ABHD4: variants seen among roughly 807,000 people sequenced by gnomAD.
The protein encoded by ABHD4 is (Lyso)-N-acylphosphatidylethanolamine lipase.
In ABHD4, 35 loss-of-function variants were observed where a neutral mutation model predicts 42.3. The observed-to-expected ratio is 0.83, with a 90% CI of 0.63 to 1.10. The LOEUF (loss-of-function observed/expected upper bound fraction) is 1.10. Among genes scored for constraint, ABHD4 ranks in the 50% least tolerant of loss-of-function variants. The probability of loss-of-function intolerance (pLI) is 0.00; values close to 1 mark genes in which losing one functional copy is unlikely to be tolerated. For synonymous variants in ABHD4, 169 were observed against 170.6 expected, an observed-to-expected ratio of 0.99 and a Z score of 0.07; for missense variants, 389 against 454.8, an observed-to-expected ratio of 0.86 and a Z score of 1.32.
At position 22,604,046 on chromosome 14, in the gene ABHD4, C is replaced by T. The variant is rs2037319266; in HGVS notation, c.607C>T (p.Pro203Ser). The change falls in exon 4 of 7, where the codon CCA becomes TCA. Residue 203 changes from proline (P) to serine (S), a missense_variant. By Grantham distance (74) the Pro-to-Ser change is moderately conservative (BLOSUM62 -1). Coordinates refer to ENST00000428304, the MANE Select transcript of ABHD4 (RefSeq NM_022060.3). ...AVASVLGRSN[P>S]LAVLRVAGPW... The stretch of plus-strand genomic sequence containing the variant: ...GGCATCTGTCCTAGGACGTTCCAAT[C>T]CATTGGCTGTTCTTCGAGTAGCTGG... The T allele has an allele frequency of 1.2e-6, 2 of 1,614,098 alleles. No homozygotes were observed. Among genetic ancestry groups the T allele is most frequent in the Admixed American group, 1.7e-5 (1 of 60,008 alleles).
intron 1 of ABHD4, 198 bp downstream of exon 1, chr14:22,598,527 A>T: frequency 6.7e-7 from 1 of 1,485,164 alleles, no homozygotes; most frequent in Admixed American, 2.0e-5. Context: ...CTGGGGAGCC[A>T]TGGGAGACGC....
At chr14:22,606,569 AGTT>A (rs1594892947) in intron 5 of ABHD4, 36 bp downstream of exon 5, 5 of 1,418,768 alleles carry the variant, frequency 3.5e-6, no homozygotes, top group Non-Finnish European at 9.9e-7. Flanking sequence ...TGGGGCAGAC[AGTT>A]GTTAGGAGAT....
chr14:22,609,536 TC>T, intron 5 of ABHD4, 187 bp from the exon 6 acceptor site: 1 of 572,816 alleles, frequency 1.7e-6, no homozygotes, highest in Non-Finnish European at 3.1e-6. Flanking sequence ...CAAGTGTTCC[TC>T]CGAACTCTTC....
intron 2 of ABHD4, among the ~76,000 whole-genome samples, chr14:22,602,142 G>T (rs1192390804): frequency 1.3e-5 from 2 of 151,628 alleles, no homozygotes; most frequent in African/African-American, 4.9e-5. Context: ...GCAGATCCTT[G>T]GCCAGCAATC....
chr14:22,599,536 T>C (rs1003728955), intron 1 of ABHD4, among the ~76,000 whole-genome samples: 7 of 152,234 alleles, frequency 4.6e-5, no homozygotes, highest in Non-Finnish European at 1.0e-4. Flanking sequence ...CGCATAGTTT[T>C]GAGCACATAC....
chr14:22,610,785 A>G lies in ABHD4; in HGVS notation c.940-74A>G. ...TGGCAGGCAAGCAAGTCTAAGGGGAAAAGAAATAGCGTGAAGGCTTCCCAG... is the reference window on the plus strand; with the variant it reads ...TGGCAGGCAAGCAAGTCTAAGGGGAGAAGAAATAGCGTGAAGGCTTCCCAG... On this transcript the variant is annotated intron_variant, in intron 6 of 6. Coordinates refer to ENST00000428304, the MANE Select transcript of ABHD4 (RefSeq NM_022060.3). 10 of 1,234,638 alleles carry G rather than the reference A, an allele frequency of 8.1e-6. No individual in the cohort carries two copies. The South Asian group carries it at 1.2e-4, about 15-fold the overall frequency. 76.5% of individuals were successfully genotyped at this position (1,234,638 alleles called of 1,614,324 possible). A position where few individuals can be genotyped will look rare whatever the true frequency, so the allele number is the denominator to read the frequency against.
intron 1 of ABHD4, 101 bp downstream of exon 1, chr14:22,598,430 C>A: frequency 3.2e-6 from 5 of 1,548,844 alleles, no homozygotes; most frequent in Non-Finnish European, 4.4e-6. Context: ...CCTTCCCGCT[C>A]TTCCTTTTCC....
chr14:22,598,945 A>G (rs570303544), intron 1 of ABHD4: 7 of 155,256 alleles, frequency 4.5e-5, no homozygotes, highest in African/African-American at 1.7e-4. Context: ...AGCTATTGGG[A>G]TTTGCTACCA....
intron 1 of ABHD4, 126 bp downstream of exon 1, chr14:22,598,455 G>T (rs1209842676): frequency 6.5e-7 from 1 of 1,541,042 alleles, no homozygotes; most frequent in African/African-American, 1.4e-5. Flanking sequence ...CGGCCTCCGG[G>T]GAGGGCGGGG....
In ABHD4 at chr14:22,603,921, ATAGAGT is replaced by A. The variant is rs1566382310; in HGVS notation, c.486-1_490del. ...GTCTTCTCCTCTTTCCGCCTTTAAC[ATAGAGT>A]TAAACACCTCATCCTGGTGGACCCA... is the stretch of plus-strand genomic sequence containing the variant. On this transcript the variant is annotated splice_acceptor_variant and splice_polypyrimidine_tract_variant and coding_sequence_variant and intron_variant, in exon 4 of 7. Transcript: ENST00000428304. LOFTEE classifies it high-confidence loss of function. 6 of 1,613,842 alleles carry A rather than the reference ATAGAGT, an allele frequency of 3.7e-6. No individual in the cohort carries two copies. The highest frequency in any genetic ancestry group is 3.3e-5 in the South Asian group (3 of 91,074).
At chr14:22,607,932 A>C (rs751732488) in intron 5 of ABHD4, among the ~76,000 whole-genome samples, 1 of 152,222 alleles carries the variant, frequency 6.6e-6, no homozygotes, top group Non-Finnish European at 1.5e-5. Context: ...TGACAAGCTC[A>C]TGGTAACTCT....
At chr14:22,608,380 G>C (rs2139271698) in intron 5 of ABHD4, among the ~76,000 whole-genome samples, 1 of 152,318 alleles carries the variant, frequency 6.6e-6, no homozygotes, top group Non-Finnish European at 1.5e-5. Flanking sequence ...CTCTGCCCCA[G>C]CCTTGTGGAC....
At chr14:22,601,575 C>T (rs767290922) in intron 1 of ABHD4, 92 bp from the exon 2 acceptor site, 6 of 1,234,456 alleles carry the variant, frequency 4.9e-6, no homozygotes, top group Non-Finnish European at 7.1e-6. Flanking sequence ...CACCCTGCTT[C>T]CTGAGAACTC....
rs564496097 is a variant in ABHD4 at position 22,611,181 on chromosome 14, G to T, written c.*233G>T. ...GCCACCCCCAGGGAAGAACATAAAGGGTTGCACAATGCCACCCATCCACTC... is the reference window on the plus strand; with the variant it reads ...GCCACCCCCAGGGAAGAACATAAAGTGTTGCACAATGCCACCCATCCACTC... On this transcript the variant is annotated 3_prime_UTR_variant, in exon 7 of 7. Transcript: ENST00000428304. 131 of 523,102 alleles carry T rather than the reference G, an allele frequency of 2.5e-4. 3 individuals carry two copies. In the South Asian group the frequency reaches 2.8e-3, roughly 11 times the overall value. 32.4% of individuals were successfully genotyped at this position (523,102 alleles called of 1,614,324 possible).
chr14:22,604,117 A>C (rs1364484595), intron 4 of ABHD4, 38 bp downstream of exon 4: 1 of 1,603,110 alleles, frequency 6.2e-7, no homozygotes, highest in Non-Finnish European at 8.5e-7. Context: ...GGAAGGCTAT[A>C]ACGTTCTAGA....
chr14:22,598,610 C>G, intron 1 of ABHD4: 1 of 744,984 alleles, frequency 1.3e-6, no homozygotes, highest in Non-Finnish European at 2.2e-6. Flanking sequence ...CCTCTGGCCT[C>G]TGGAGAGATT....
At chr14:22,600,110 A>C in intron 1 of ABHD4, 1 of 453,754 alleles carries the variant, frequency 2.2e-6, no homozygotes, top group South Asian at 1.6e-5. Context: ...CAACCCTATG[A>C]GGTAGATATT....
chr14:22,598,659 G>A, intron 1 of ABHD4: 1 of 495,660 alleles, frequency 2.0e-6, no homozygotes, highest in Non-Finnish European at 3.6e-6. Context: ...CAAGCTTGTG[G>A]GACGCGGGTG....
In ABHD4 at chr14:22,598,584, G is replaced by T. The variant is rs1369283133; in HGVS notation, c.23+255G>T. On this transcript the variant is annotated intron_variant, in intron 1 of 6. Coordinates refer to ENST00000428304, the MANE Select transcript of ABHD4 (RefSeq NM_022060.3). ...CCTGGCTTTCTACCTTAGTCCTCGCGAGTGCCCCTCATTCTCCTCTGGCCT... is the reference window on the plus strand; with the variant it reads ...CCTGGCTTTCTACCTTAGTCCTCGCTAGTGCCCCTCATTCTCCTCTGGCCT... The T allele has an allele frequency of 9.1e-6, 9 of 989,724 alleles. No individual in the cohort carries two copies. In the African/African-American group the frequency reaches 1.1e-4, roughly 12 times the overall value. The allele number at this position is 989,724 out of a possible 1,614,324, so 61.3% of individuals were successfully genotyped here.
Sources: gnomAD v4.1 joint callset for allele counts (sites outside exome capture counted in the v4.1 genomes callset) on GRCh38, gnomAD v4.1.1 for gene constraint, MANE v1.5 for transcripts, NCBI Gene and HGNC (gene_info 2026-07-23, HGNC 2026-07-21) for gene names.